The following ST3GAL2 variants were observed in gnomAD, a reference collection of about 807,000 sequenced individuals.
ST3GAL2 encodes the protein CMP-N-acetylneuraminate-beta-galactosamide-alpha-2,3-sialyltransferase 2.
A neutral mutation model predicts 37.5 loss-of-function variants in ST3GAL2; 16 were observed. That is an observed-to-expected ratio of 0.43 (90% CI 0.29 to 0.65). ST3GAL2 has a LOEUF of 0.65. Ranked by LOEUF, ST3GAL2 falls within the 30% of genes least tolerant of loss-of-function variation. The probability of loss-of-function intolerance (pLI) is 0.17; values close to 1 mark genes in which losing one functional copy is unlikely to be tolerated. For missense variants in ST3GAL2, 383 were observed against 487.8 expected (o/e 0.79, Z 2.02); for synonymous variants, 238 against 202.9 (o/e 1.17, Z -1.47).
At chr16:70,383,709 G>A (rs945649655) in intron 4 of ST3GAL2, among the ~76,000 whole-genome samples, 2 of 151,826 alleles carry the variant, frequency 1.3e-5, no homozygotes, top group East Asian at 1.9e-4. Context: ...GGGACCTAGG[G>A]ATGCCCCCCA....
rs530516370 is a variant in ST3GAL2 at position 70,412,734 on chromosome 16, C to T, written c.-1003-13201G>A. On this transcript the variant is annotated intron_variant, in intron 1 of 6. Transcript: ENST00000342907. Reference sequence around the variant, plus strand: ...TGCTGTTTTTTCGAATCTGAAATTTCAAGCCATTATCTCTTTAAATATTAT... The same window carrying T: ...TGCTGTTTTTTCGAATCTGAAATTTTAAGCCATTATCTCTTTAAATATTAT... Among the ~76,000 whole-genome samples the T allele has an allele frequency of 7.2e-5, 11 of 152,214 alleles. No individual in the cohort carries two copies. In the South Asian group the frequency reaches 2.3e-3, roughly 32 times the overall value.
chr16:70,396,336 A>T (rs2047516255), intron 2 of ST3GAL2, among the ~76,000 whole-genome samples: 1 of 151,766 alleles, frequency 6.6e-6, no homozygotes, highest in East Asian at 1.9e-4. Context: ...AATAAAATAA[A>T]ACATTATGTG....
At chr16:70,431,353 G>A (rs371887676) in intron 1 of ST3GAL2, among the ~76,000 whole-genome samples, 13 of 152,196 alleles carry the variant, frequency 8.5e-5, no homozygotes, top group East Asian at 5.8e-4. Context: ...CTGCCTGCCC[G>A]CAGGGCTAGG....
At chr16:70,389,779 GTTTT>G (rs1183585852) in intron 3 of ST3GAL2, among the ~76,000 whole-genome samples, 2 of 149,058 alleles carry the variant, frequency 1.3e-5, no homozygotes, top group East Asian at 2.0e-4. Context: ...GTTTGTTTGG[GTTTT>G]TTGTTTGTTT....
At position 70,411,882 on chromosome 16, in the gene ST3GAL2, T is replaced by C. The variant is rs536604872; in HGVS notation, c.-1003-12349A>G. On this transcript the variant is annotated intron_variant, in intron 1 of 6. Coordinates refer to ENST00000342907, the MANE Select transcript of ST3GAL2 (RefSeq NM_006927.4). ...GGTGGCGGATGTCTGTAATCCCAGC[T>C]ACTCAGGAGGGTGAGGTGGGAGAAT... Among the ~76,000 whole-genome samples, 4 of 151,574 alleles carry C rather than the reference T, an allele frequency of 2.6e-5. No homozygotes were observed. The East Asian group carries it at 7.8e-4, about 30-fold the overall frequency.
chr16:70,396,466 G>A (rs561036314), intron 2 of ST3GAL2, among the ~76,000 whole-genome samples: 4 of 152,206 alleles, frequency 2.6e-5, no homozygotes, highest in East Asian at 3.9e-4. Flanking sequence ...TTAGCCAGGC[G>A]TGGTGGCACG....
At chr16:70,392,228 C>T (rs973906385) in intron 3 of ST3GAL2, among the ~76,000 whole-genome samples, 1 of 152,242 alleles carries the variant, frequency 6.6e-6, no homozygotes, top group African/African-American at 2.4e-5. Context: ...GTTTCACAGC[C>T]TCCAAGGGAA....
intron 1 of ST3GAL2, among the ~76,000 whole-genome samples, chr16:70,417,195 G>T (rs2047682171): frequency 6.6e-6 from 1 of 152,182 alleles, no homozygotes; most frequent in Admixed American, 6.5e-5. Flanking sequence ...TCATGGGTTG[G>T]GCAGATTGAG....
chr16:70,418,156 C>T (rs1399336184), intron 1 of ST3GAL2, among the ~76,000 whole-genome samples: 2 of 152,152 alleles, frequency 1.3e-5, no homozygotes, highest in Non-Finnish European at 2.9e-5. Flanking sequence ...AGTTATTGAT[C>T]GACACCAGGC....
chr16:70,438,661 G>C (rs903704015), intron 1 of ST3GAL2, among the ~76,000 whole-genome samples: 16 of 152,228 alleles, frequency 1.1e-4, no homozygotes, highest in African/African-American at 3.6e-4. Flanking sequence ...CTGGGGCTGG[G>C]GCTGGGGTTG....
intron 1 of ST3GAL2, among the ~76,000 whole-genome samples, chr16:70,422,368 GGGAACA>G (rs2047720937): frequency 6.6e-6 from 1 of 152,220 alleles, no homozygotes; most frequent in Non-Finnish European, 1.5e-5. Context: ...CTAAGCCAAA[GGGAACA>G]GGTGTGTGTG....
intron 1 of ST3GAL2, among the ~76,000 whole-genome samples, chr16:70,426,510 T>TTTTTC (rs934267068): frequency 6.9e-6 from 1 of 144,260 alleles, no homozygotes. Context: ...CTCAGAAGTG[T>TTTTTC]TTTTCTTTTT....
At position 70,380,830 on chromosome 16, in the gene ST3GAL2, G is replaced by C. The variant is rs1184965325; in HGVS notation, c.*859C>G. On this transcript the variant is annotated 3_prime_UTR_variant, in exon 7 of 7. Coordinates refer to ENST00000342907, the MANE Select transcript of ST3GAL2 (RefSeq NM_006927.4). ...TGCAGCCCCCTCCCCAGGGGCCAGAGCCGGCCGAAGACTGGGGGTAGGGAC... is the reference window on the plus strand; with the variant it reads ...TGCAGCCCCCTCCCCAGGGGCCAGACCCGGCCGAAGACTGGGGGTAGGGAC... 1 of 153,248 alleles carries C rather than the reference G, an allele frequency of 6.5e-6. No individual in the cohort carries two copies. Among genetic ancestry groups the C allele is most frequent in the Non-Finnish European group, 1.5e-5 (1 of 68,856 alleles). The allele number at this position is 153,248 out of a possible 1,614,324, so 9.5% of individuals were successfully genotyped here.
At chr16:70,430,691 A>G (rs890856420) in intron 1 of ST3GAL2, among the ~76,000 whole-genome samples, 1 of 152,126 alleles carries the variant, frequency 6.6e-6, no homozygotes, top group Admixed American at 6.5e-5. Flanking sequence ...GACAGGAAGG[A>G]GCAGAGAGAG....
rs571163933 is a variant in ST3GAL2, at chr16:70,398,202, C to G, written c.329G>C (p.Arg110Thr). The G allele has an allele frequency of 1.8e-5, 29 of 1,612,728 alleles. No individual in the cohort carries two copies. In the East Asian group the frequency reaches 4.9e-4, roughly 27 times the overall value. Residue 110 changes from arginine to threonine, a missense_variant, in exon 2 of 7, where the codon AGG becomes ACG. This residue lies in a region of ST3GAL2 where 223 missense variants were observed against 239.1 expected (regional missense o/e 0.93). Transcript: ENST00000342907. ...ENMDLPPDVQ[R>T]WWMMLQPQFK... Reference sequence around the variant, plus strand: ...AGCAGCAGCTCTTACCATCCACCACCTCTGGACGTCCGGTGGAAGATCCAT... The same window carrying G: ...AGCAGCAGCTCTTACCATCCACCACGTCTGGACGTCCGGTGGAAGATCCAT...
intron 1 of ST3GAL2, among the ~76,000 whole-genome samples, chr16:70,431,646 A>G (rs966889055): frequency 4.0e-5 from 6 of 149,026 alleles, no homozygotes; most frequent in Non-Finnish European, 8.8e-5. Context: ...GAAACACAGC[A>G]AAACTCCCAT....
At chr16:70,437,499 C>T (rs567754443) in intron 1 of ST3GAL2, among the ~76,000 whole-genome samples, 2 of 144,088 alleles carry the variant, frequency 1.4e-5, no homozygotes, top group South Asian at 4.3e-4. Context: ...CCCCCTCTGC[C>T]CCCCCCGCAA....
chr16:70,398,946 G>T lies in ST3GAL2; in HGVS notation c.-416C>A. 1 of 429,716 alleles carries T rather than the reference G, an allele frequency of 2.3e-6. No homozygotes were observed. Among genetic ancestry groups the T allele is most frequent in the South Asian group, 8.8e-5 (1 of 11,314 alleles). The allele number at this position is 429,716 out of a possible 1,614,324, so 26.6% of individuals were successfully genotyped here. ...AGTCTGGAGCAGTCGGGGTCCTTGT[G>T]GTTCATGAGCAGACAATGAGGCGGC... On this transcript the variant is annotated 5_prime_UTR_variant, in exon 2 of 7. Transcript: ENST00000342907.
intron 4 of ST3GAL2, among the ~76,000 whole-genome samples, chr16:70,385,070 C>T (rs112225173): frequency 0.093 from 14,091 of 152,066 alleles, 2,151 homozygotes; most frequent in African/African-American, 0.32. Context: ...CTTTGGGAGG[C>T]TGAGGCGGGC....
Sources: gnomAD v4.1 joint callset for allele counts (sites outside exome capture counted in the v4.1 genomes callset) on GRCh38, gnomAD v4.1.1 for gene constraint, gnomAD v4.1.1 regional missense constraint, MANE v1.5 for transcripts, NCBI Gene and HGNC (gene_info 2026-07-23, HGNC 2026-07-21) for gene names.